G3BP2: variants seen among roughly 807,000 people sequenced by gnomAD.
G3BP2 encodes G3BP stress granule assembly factor 2, also known as ras GTPase-activating protein-binding protein 2.
G3BP2 carries 11 observed loss-of-function variants against 56.7 expected under a neutral mutation model. The ratio of observed to expected loss-of-function variants is 0.19; its 90% confidence interval spans 0.12 to 0.32. The LOEUF (loss-of-function observed/expected upper bound fraction) is 0.32, where lower values mean the gene tolerates loss of function less well. Ranked by LOEUF, G3BP2 falls within the 10% of genes least tolerant of loss-of-function variation. The probability of loss-of-function intolerance (pLI) is 1.00; values close to 1 mark genes in which losing one functional copy is unlikely to be tolerated. For synonymous variants in G3BP2, 165 were observed against 191.6 expected (o/e 0.86, Z 1.15); for missense variants, 340 against 610.9 (o/e 0.56, Z 4.67).
chr4:75,710,963 C>T (rs1231262754), intron 3 of G3BP2, among the ~76,000 whole-genome samples: 2 of 151,990 alleles, frequency 1.3e-5, no homozygotes, highest in South Asian at 2.1e-4. Flanking sequence ...CGTGCCTGGC[C>T]CTGTCTGGCT....
chr4:75,653,534 T>C (rs1731858282), intron 8 of G3BP2, among the ~76,000 whole-genome samples: 2 of 146,064 alleles, frequency 1.4e-5, no homozygotes, highest in Non-Finnish European at 3.0e-5. Flanking sequence ...ACTTACACAC[T>C]GAGAGCTTAG....
At chr4:75,678,302 G>A (rs1238368742), upstream of G3BP2, among the ~76,000 whole-genome samples, 1 of 33,636 alleles carries the variant, frequency 3.0e-5, no homozygotes, top group Non-Finnish European at 6.9e-5. Context: ...TAGCTTGTGT[G>A]TGTGTGTGTG....
intron 1 of G3BP2, chr4:75,670,256 G>A (rs1025073225): frequency 1.8e-4 from 27 of 152,108 alleles, no homozygotes; most frequent in African/African-American, 6.5e-4. Context: ...TTGAACCATG[G>A]ACTATATCCA....
Position 75,644,777 on chromosome 4 carries a change from C to T in G3BP2, c.*653G>A, listed in dbSNP as rs1203325716. ...TTTAGTTCATAACTAAAATGATTTCCTTCTGGAATATACTTGTAGTCTTGT... is the reference window on the plus strand; with the variant it reads ...TTTAGTTCATAACTAAAATGATTTCTTTCTGGAATATACTTGTAGTCTTGT... On this transcript the variant is annotated 3_prime_UTR_variant, in exon 12 of 12. Transcript: ENST00000359707. The T allele has an allele frequency of 1.3e-5, 2 of 152,596 alleles. No homozygotes were observed. The highest frequency in any genetic ancestry group is 4.8e-5 in the African/African-American group (2 of 41,422). The allele number at this position is 152,596 out of a possible 1,614,324, so 9.5% of individuals were successfully genotyped here. A position where few individuals can be genotyped will look rare whatever the true frequency, so the allele number is the denominator to read the frequency against.
upstream of G3BP2, among the ~76,000 whole-genome samples, chr4:75,677,706 C>A (rs1733930801): frequency 6.6e-6 from 1 of 152,072 alleles, no homozygotes; most frequent in African/African-American, 2.4e-5. Flanking sequence ...ACGCATTTTT[C>A]TTGGAAAGTG....
At chr4:75,714,902 C>A (rs1719878950) in intron 3 of G3BP2, among the ~76,000 whole-genome samples, 1 of 152,150 alleles carries the variant, frequency 6.6e-6, no homozygotes. Flanking sequence ...AAGCTGGCAT[C>A]CTACAGCCTC....
intron 11 of G3BP2, 123 bp from the exon 12 acceptor site, chr4:75,645,825 C>A (rs1163421615): frequency 4.9e-6 from 4 of 821,358 alleles, no homozygotes; most frequent in Non-Finnish European, 7.6e-6. Context: ...CCCCACCCCC[C>A]AGAGATAGGG....
chr4:75,704,128 C>T (rs1719452194), intron 3 of G3BP2, among the ~76,000 whole-genome samples: 1 of 151,368 alleles, frequency 6.6e-6, no homozygotes, highest in African/African-American at 2.4e-5. Context: ...AAGGGATTCT[C>T]CCGCCTCAGC....
chr4:75,654,527 C>T (rs1311684407), intron 7 of G3BP2, among the ~76,000 whole-genome samples: 1 of 152,200 alleles, frequency 6.6e-6, no homozygotes, highest in Admixed American at 6.5e-5. Context: ...CTCCTCCTAT[C>T]ACCACTCAAA....
At chr4:75,648,185 T>TA (rs1731376529) in intron 9 of G3BP2, among the ~76,000 whole-genome samples, 3 of 151,834 alleles carry the variant, frequency 2.0e-5, no homozygotes, top group Non-Finnish European at 4.4e-5. Context: ...CTGTCTCTAC[T>TA]AAAATACAGA....
intron 1 of G3BP2, among the ~76,000 whole-genome samples, chr4:75,665,627 AC>A (rs1553936068): frequency 2.0e-4 from 1 of 5,004 alleles, no homozygotes. Context: ...AAACACACAA[AC>A]ACACACACAC....
At position 75,657,696 on chromosome 4, in the gene G3BP2, C is replaced by G; in HGVS notation, c.212G>C (p.Ser71Thr). 6.2e-7 allele frequency: 1 copy of G among 1,612,592 alleles called. No individual in the cohort carries two copies. The highest frequency in any genetic ancestry group is 8.5e-7 in the Non-Finnish European group (1 of 1,178,760). ...IHHKVLSLNF[S>T]ECHTKIRHVD... ...ATGACGAATTTTAGTATGACATTCA[C>G]TGAAGTTCAGAGATAATACTTTGTG... The change falls in exon 4 of 12, where the codon AGT (serine) becomes ACT (threonine). Residue 71 changes from serine (S) to threonine (T), a missense_variant. Physicochemically the swap from Ser to Thr is moderately conservative, Grantham distance 58. Around this residue, in one of 4 missense-constraint regions of G3BP2, gnomAD observed 224 missense variants for 332.5 expected, o/e 0.67. Coordinates refer to ENST00000359707, the MANE Select transcript of G3BP2 (RefSeq NM_203505.3).
At chr4:75,719,769 A>C (rs1398510831) in intron 3 of G3BP2, among the ~76,000 whole-genome samples, 1 of 151,844 alleles carries the variant, frequency 6.6e-6, no homozygotes, top group Non-Finnish European at 1.5e-5. Flanking sequence ...CTGTATTTTT[A>C]GTAGAGACGG....
At chr4:75,710,464 T>A (rs1719713576) in intron 3 of G3BP2, among the ~76,000 whole-genome samples, 1 of 152,220 alleles carries the variant, frequency 6.6e-6, no homozygotes, top group Non-Finnish European at 1.5e-5. Context: ...CTAACTTAGC[T>A]GGGAAGTAAG....
chr4:75,672,876 C>A (rs1018552016), intron 1 of G3BP2: 1 of 353,258 alleles, frequency 2.8e-6, no homozygotes. Flanking sequence ...CATCAGCGCG[C>A]CTTCGGGAGC....
At chr4:75,693,802 G>T (rs1718979501) in intron 3 of G3BP2, among the ~76,000 whole-genome samples, 2 of 142,846 alleles carry the variant, frequency 1.4e-5, no homozygotes, top group South Asian at 4.3e-4. Flanking sequence ...AAAAAAAAAA[G>T]AGCTGGACTG....
chr4:75,669,687 G>T (rs953718251), intron 1 of G3BP2, among the ~76,000 whole-genome samples: 1 of 152,122 alleles, frequency 6.6e-6, no homozygotes, highest in Admixed American at 6.5e-5. Context: ...CACTCTCTGC[G>T]CCTTTGTCTT....
intron 3 of G3BP2, among the ~76,000 whole-genome samples, chr4:75,706,677 C>CAAAAAAA: frequency 8.4e-6 from 1 of 118,882 alleles, no homozygotes; most frequent in African/African-American, 3.4e-5. Context: ...AACTCTATCT[C>CAAAAAAA]AAAAAAAAAA....
chr4:75,684,104 G>A (rs1299801163), intron 3 of G3BP2, among the ~76,000 whole-genome samples: 1 of 152,132 alleles, frequency 6.6e-6, no homozygotes, highest in Non-Finnish European at 1.5e-5. Context: ...ACTGGAAAAA[G>A]ATATTAAAAA....
Sources: allele counts gnomAD v4.1 joint callset (sites outside exome capture counted in the v4.1 genomes callset), GRCh38; gene constraint gnomAD v4.1.1; regional missense constraint gnomAD v4.1.1; transcripts MANE v1.5; gene names NCBI Gene and HGNC (gene_info 2026-07-23, HGNC 2026-07-21).